The following DCDC2 variants were observed in gnomAD, a reference collection of about 807,000 sequenced individuals.
DCDC2 encodes the protein doublecortin domain containing 2.
DCDC2 carries 40 observed loss-of-function variants against 50.2 expected under a neutral mutation model. The ratio of observed to expected loss-of-function variants is 0.80; its 90% CI spans 0.62 to 1.04. The LOEUF (loss-of-function observed/expected upper bound fraction) is 1.04, where lower values mean the gene tolerates loss of function less well. DCDC2 is among the 50% of genes least tolerant of loss of function. DCDC2 has a pLI of 0.00. For synonymous variants in DCDC2, 234 were observed against 210.6 expected (o/e 1.11, Z -0.96); for missense variants, 570 against 581.9 (o/e 0.98, Z 0.21).
At chr6:24,196,469 A>T (rs1257528224) in intron 8 of DCDC2, among the ~76,000 whole-genome samples, 1 of 152,176 alleles carries the variant, frequency 6.6e-6, no homozygotes, top group African/African-American at 2.4e-5. Context: ...CACCCACACT[A>T]CAGTGAGGTG....
intron 7 of DCDC2, among the ~76,000 whole-genome samples, chr6:24,246,764 G>A (rs1310661270): frequency 6.6e-6 from 1 of 152,078 alleles, no homozygotes; most frequent in Non-Finnish European, 1.5e-5. Flanking sequence ...TGGGATTACA[G>A]GCATGAGCCA....
intron 2 of DCDC2, among the ~76,000 whole-genome samples, chr6:24,315,389 G>C (rs930527017): frequency 2.0e-5 from 3 of 152,126 alleles, no homozygotes; most frequent in African/African-American, 7.2e-5. Flanking sequence ...CAAAGGAAGA[G>C]ACAGGCCCTA....
At chr6:24,242,530 C>T (rs1264594657) in intron 7 of DCDC2, among the ~76,000 whole-genome samples, 1 of 152,200 alleles carries the variant, frequency 6.6e-6, no homozygotes, top group Non-Finnish European at 1.5e-5. Context: ...CCACTCCACC[C>T]ACCGCCAGCC....
intron 8 of DCDC2, among the ~76,000 whole-genome samples, chr6:24,195,256 C>G (rs1199086986): frequency 6.6e-6 from 1 of 152,166 alleles, no homozygotes; most frequent in Non-Finnish European, 1.5e-5. Flanking sequence ...GCCAAAATAG[C>G]ATTTGCACCC....
At chr6:24,208,913 G>C (rs746918117) in intron 7 of DCDC2, among the ~76,000 whole-genome samples, 2 of 152,188 alleles carry the variant, frequency 1.3e-5, no homozygotes, top group Non-Finnish European at 2.9e-5. Context: ...TTGTCTGCAA[G>C]TATTATTTGT....
At chr6:24,277,473 C>G (rs1763386355) in intron 7 of DCDC2, among the ~76,000 whole-genome samples, 1 of 152,224 alleles carries the variant, frequency 6.6e-6, no homozygotes, top group Non-Finnish European at 1.5e-5. Context: ...GTCTACCACA[C>G]TTTTATCTCA....
the DCDC2 span, among the ~76,000 whole-genome samples, chr6:24,380,241 G>T: frequency 6.6e-6 from 1 of 152,042 alleles, no homozygotes; most frequent in South Asian, 2.1e-4. Flanking sequence ...GAATGTTGTG[G>T]GGAGACACAA....
chr6:24,346,348 G>T (rs958238405), intron 2 of DCDC2, among the ~76,000 whole-genome samples: 1 of 152,162 alleles, frequency 6.6e-6, no homozygotes, highest in Admixed American at 6.5e-5. Context: ...GCCTGAATTG[G>T]CATATAAGGC....
At chr6:24,177,362 T>C (rs1301287219) in intron 9 of DCDC2, among the ~76,000 whole-genome samples, 1 of 152,182 alleles carries the variant, frequency 6.6e-6, no homozygotes, top group African/African-American at 2.4e-5. Context: ...ACCAGAACAT[T>C]TTGCATTTTG....
intron 7 of DCDC2, among the ~76,000 whole-genome samples, chr6:24,222,291 C>T (rs1166816719): frequency 6.6e-6 from 1 of 152,164 alleles, no homozygotes; most frequent in Non-Finnish European, 1.5e-5. Flanking sequence ...AAGAAAAAAG[C>T]TTCATGTTTT....
chr6:24,374,534 AG>A, the DCDC2 span, among the ~76,000 whole-genome samples: 2 of 129,348 alleles, frequency 1.5e-5, no homozygotes. Context: ...GAACCAGATC[AG>A]GCCACTGCAC....
chr6:24,355,528 C>T (rs1231938465), intron 1 of DCDC2, among the ~76,000 whole-genome samples: 1 of 152,122 alleles, frequency 6.6e-6, no homozygotes, highest in Non-Finnish European at 1.5e-5. Context: ...TTTATCACAG[C>T]CCTGTGTGGT....
intron 4 of DCDC2, among the ~76,000 whole-genome samples, chr6:24,299,896 G>A (rs2113836658): frequency 6.6e-6 from 1 of 151,496 alleles, no homozygotes; most frequent in South Asian, 2.1e-4. Context: ...TCCAGTCTGG[G>A]CAACAAGAGT....
rs191266340 is a variant in DCDC2 at position 24,171,851 on chromosome 6, A to G, written c.*2879T>C. ...TGTTTACAAGTGTCTTAAAATCCAG[A>G]TAAGTTTAACAAAGTGGTTTCATAA... On this transcript the variant is annotated 3_prime_UTR_variant, in exon 10 of 10. Transcript: ENST00000378454. The G allele has an allele frequency of 3.9e-5, 6 of 152,350 alleles. No homozygotes were observed. The highest frequency in any genetic ancestry group is 1.9e-4 in the East Asian group (1 of 5,190). The allele number at this position is 152,350 out of a possible 1,614,324, so 9.4% of individuals were successfully genotyped here. A position where few individuals can be genotyped will look rare whatever the true frequency, so the allele number is the denominator to read the frequency against.
rs752469313 is a variant in DCDC2 at position 24,357,508 on chromosome 6, C to G, written c.243G>C (p.Gln81His). The G allele has an allele frequency of 6.2e-7, 1 of 1,612,820 alleles. No individual in the cohort carries two copies. Among genetic ancestry groups the G allele is most frequent in the South Asian group, 1.1e-5 (1 of 91,046 alleles). Residue 81 changes from glutamine to histidine, a missense_variant, in exon 1 of 10, where the codon CAG becomes CAC. Gln to His is a conservative substitution (Grantham distance 24, BLOSUM62 0). Transcript: ENST00000378454. Reference protein sequence around the residue: ...GHRIRKLDQIQSGGNYVAGGQ... With the variant: ...GHRIRKLDQIHSGGNYVAGGQ... ...CTCCAGCCACGTAATTGCCCCCGCT[C>G]TGGATCTGGTCTAGCTTCCGGATTC...
At chr6:24,176,538 G>A (rs1268015164) in intron 9 of DCDC2, among the ~76,000 whole-genome samples, 1 of 152,084 alleles carries the variant, frequency 6.6e-6, no homozygotes, top group African/African-American at 2.4e-5. Flanking sequence ...CATACAAAAT[G>A]ATGTTTTGAA....
chr6:24,273,799 G>T (rs981460842), intron 7 of DCDC2, among the ~76,000 whole-genome samples: 1 of 152,200 alleles, frequency 6.6e-6, no homozygotes, highest in Admixed American at 6.5e-5. Flanking sequence ...CAAACCATGT[G>T]CAGGTTGTAG....
intron 7 of DCDC2, among the ~76,000 whole-genome samples, chr6:24,273,364 C>T (rs1202237520): frequency 2.6e-5 from 4 of 152,210 alleles, no homozygotes; most frequent in Admixed American, 2.0e-4. Context: ...ACACTAAAAG[C>T]CTGGACTTCA....
chr6:24,352,301 A>G (rs918388658), intron 2 of DCDC2, among the ~76,000 whole-genome samples: 1 of 152,152 alleles, frequency 6.6e-6, no homozygotes, highest in Non-Finnish European at 1.5e-5. Flanking sequence ...AAGGTAGTAT[A>G]CTTTAAACAG....
Sources: allele counts gnomAD v4.1 joint callset (sites outside exome capture counted in the v4.1 genomes callset), GRCh38; gene constraint gnomAD v4.1.1; transcripts MANE v1.5; gene names NCBI Gene and HGNC (gene_info 2026-07-23, HGNC 2026-07-21).